The following STOX1 variants were observed in gnomAD, a reference collection of about 807,000 sequenced individuals.
STOX1 encodes storkhead-box protein 1.
A neutral mutation model predicts 74.8 loss-of-function variants in STOX1; 57 were observed. The ratio of observed to expected loss-of-function variants is 0.76; its 90% CI spans 0.62 to 0.95. The LOEUF (loss-of-function observed/expected upper bound fraction) is 0.95. STOX1 is among the 40% of genes least tolerant of loss of function. The pLI is 0.00. For missense variants in STOX1, 1,010 were observed against 1,117.0 expected (o/e 0.90, Z 1.37); for synonymous variants, 375 against 401.3 (o/e 0.93, Z 0.78).
intron 1 of STOX1, among the ~76,000 whole-genome samples, chr10:68,841,727 G>C (rs969749820): frequency 6.6e-6 from 1 of 152,110 alleles, no homozygotes; most frequent in African/African-American, 2.4e-5. Flanking sequence ...GGGAGACCTT[G>C]GTATGCTGAT....
At chr10:68,844,313 T>TTTTG in intron 1 of STOX1, among the ~76,000 whole-genome samples, 1 of 149,842 alleles carries the variant, frequency 6.7e-6, no homozygotes, top group Admixed American at 6.7e-5. Flanking sequence ...TTTTTTTTTT[T>TTTTG]TTGAGATAGA....
intron 1 of STOX1, among the ~76,000 whole-genome samples, chr10:68,855,954 T>C (rs74143244): frequency 0.022 from 3,290 of 152,070 alleles, 149 homozygotes; most frequent in African/African-American, 0.075. Context: ...CAAGATGTTA[T>C]GTGTGGACCG....
intron 1 of STOX1, among the ~76,000 whole-genome samples, chr10:68,842,511 G>T (rs1839717531): frequency 6.7e-6 from 1 of 149,370 alleles, no homozygotes; most frequent in Non-Finnish European, 1.5e-5. Context: ...GATGCGAGGT[G>T]CCTCTCCATG....
chr10:68,893,919 G>T (rs1841148730), downstream of STOX1, among the ~76,000 whole-genome samples: 1 of 152,168 alleles, frequency 6.6e-6, no homozygotes, highest in Non-Finnish European at 1.5e-5. Flanking sequence ...GTAAGACCTA[G>T]AATTTTTTCT....
chr10:68,882,183 C>T (rs1840828301), intron 2 of STOX1, 73 bp downstream of exon 2: 1 of 1,427,806 alleles, frequency 7.0e-7, no homozygotes, highest in Non-Finnish European at 9.9e-7. Flanking sequence ...TAGTCTTAAG[C>T]ACATAAACTG....
Position 68,827,573 on chromosome 10 carries a change from G to T in STOX1, c.-51G>T, listed in dbSNP as rs953445765. On this transcript the variant is annotated 5_prime_UTR_variant, in exon 1 of 4. Coordinates refer to ENST00000298596, the MANE Select transcript of STOX1 (RefSeq NM_152709.5). The stretch of plus-strand genomic sequence containing the variant: ...CCGCCGAGCGAGCGGCGTCGTAGCC[G>T]CCGCGCTCGCCGAGGCCCTGCGTTG... The T allele has an allele frequency of 9.2e-7, 1 of 1,090,924 alleles. No homozygotes were observed. Among genetic ancestry groups the T allele is most frequent in the Non-Finnish European group, 1.1e-6 (1 of 893,200 alleles). 67.6% of individuals were successfully genotyped at this position (1,090,924 alleles called of 1,614,324 possible). A position where few individuals can be genotyped will look rare whatever the true frequency, so the allele number is the denominator to read the frequency against.
intron 1 of STOX1, among the ~76,000 whole-genome samples, chr10:68,852,691 T>A (rs1840019570): frequency 6.6e-6 from 1 of 151,906 alleles, no homozygotes; most frequent in Non-Finnish European, 1.5e-5. Context: ...CAAGAGATAT[T>A]CCTGCCTCAG....
chr10:68,842,004 G>GGT (rs35583832), intron 1 of STOX1, among the ~76,000 whole-genome samples: 16,629 of 152,100 alleles, frequency 0.11, 1,145 homozygotes, highest in South Asian at 0.19. Context: ...CACCCAGGGA[G>GGT]GTGTGTGTGT....
At chr10:68,850,690 T>G (rs1839961753) in intron 1 of STOX1, among the ~76,000 whole-genome samples, 1 of 152,278 alleles carries the variant, frequency 6.6e-6, no homozygotes, top group East Asian at 1.9e-4. Flanking sequence ...TTTTAAACAT[T>G]TGGCTGGGCA....
chr10:68,873,623 T>C (rs1840597635), intron 1 of STOX1, among the ~76,000 whole-genome samples: 1 of 149,482 alleles, frequency 6.7e-6, no homozygotes, highest in Non-Finnish European at 1.5e-5. Flanking sequence ...CTAGTCCTTT[T>C]TTTTTCTTCT....
chr10:68,861,090 C>T (rs1333917997), intron 1 of STOX1, among the ~76,000 whole-genome samples: 2 of 152,020 alleles, frequency 1.3e-5, no homozygotes, highest in Non-Finnish European at 2.9e-5. Context: ...TGCCTATAAT[C>T]CTGCTGAGAC....
intron 1 of STOX1, among the ~76,000 whole-genome samples, chr10:68,841,565 C>A (rs1440025015): frequency 6.6e-6 from 1 of 151,814 alleles, no homozygotes; most frequent in Non-Finnish European, 1.5e-5. Flanking sequence ...TAAAAAAATC[C>A]ATGTATAAGT....
chr10:68,847,270 T>C (rs962439206), intron 1 of STOX1, among the ~76,000 whole-genome samples: 7 of 152,086 alleles, frequency 4.6e-5, no homozygotes, highest in African/African-American at 1.7e-4. Context: ...GGAAAAAATA[T>C]TTTGAACAGC....
chr10:68,875,028 G>C (rs1314457616), intron 1 of STOX1, among the ~76,000 whole-genome samples: 2 of 152,036 alleles, frequency 1.3e-5, no homozygotes, highest in East Asian at 3.9e-4. Flanking sequence ...TGTCTGGCTG[G>C]GTTTCCACTA....
At chr10:68,848,498 C>T (rs375792194) in intron 1 of STOX1, among the ~76,000 whole-genome samples, 8 of 152,122 alleles carry the variant, frequency 5.3e-5, no homozygotes, top group East Asian at 1.9e-4. Flanking sequence ...TATGAGATGA[C>T]GGGCAGTTTG....
intron 1 of STOX1, among the ~76,000 whole-genome samples, chr10:68,876,458 C>CA (rs569884095): frequency 2.0e-5 from 3 of 151,846 alleles, no homozygotes; most frequent in African/African-American, 7.3e-5. Context: ...ACCTGGCCAA[C>CA]AAAAAAATTT....
intron 1 of STOX1, among the ~76,000 whole-genome samples, chr10:68,865,996 G>T (rs1264574233): frequency 2.6e-5 from 4 of 151,934 alleles, no homozygotes; most frequent in Admixed American, 2.0e-4. Flanking sequence ...TAAGAACTTT[G>T]TCTTTCTGCT....
chr10:68,858,308 C>A (rs1840176890), intron 1 of STOX1, among the ~76,000 whole-genome samples: 1 of 152,072 alleles, frequency 6.6e-6, no homozygotes, highest in Admixed American at 6.5e-5. Context: ...GTTGAGATTT[C>A]TTAAGAGTTG....
At chr10:68,859,382 A>G (rs529344950) in intron 1 of STOX1, among the ~76,000 whole-genome samples, 50 of 152,228 alleles carry the variant, frequency 3.3e-4, no homozygotes, top group African/African-American at 1.2e-3. Flanking sequence ...GCCTATCACT[A>G]TCTTATCAGT....
Sources: gnomAD v4.1 joint callset for allele counts (sites outside exome capture counted in the v4.1 genomes callset) on GRCh38, gnomAD v4.1.1 for gene constraint, MANE v1.5 for transcripts, NCBI Gene and HGNC (gene_info 2026-07-23, HGNC 2026-07-21) for gene names.